Variants in GRIA3 observed in about 807,000 individuals in gnomAD.
The protein encoded by GRIA3 is glutamate ionotropic receptor AMPA type subunit 3, also known as glutamate receptor 3.
A neutral mutation model predicts 63.0 loss-of-function variants in GRIA3; 3 were observed. That is an observed-to-expected ratio of 0.05 (90% CI 0.02 to 0.12). The LOEUF is 0.12. GRIA3 is among the 10% of genes least tolerant of loss of function. The pLI, the probability that GRIA3 is intolerant of heterozygous loss-of-function variation, is 1.00. For missense variants in GRIA3, 347 were observed against 700.9 expected (o/e 0.50, Z 5.70); for synonymous variants, 274 against 257.9 (o/e 1.06, Z -0.60).
rs770446291 is a variant in GRIA3 at position 123,322,281 on chromosome X, AC to A, written c.509-3742del. Among the ~76,000 whole-genome samples the A allele has an allele frequency of 1.7e-4, 19 of 112,238 alleles. 1 individual carries two copies. The highest frequency in any genetic ancestry group is 4.6e-3 in the Middle Eastern group (1 of 216). ...AAATGCAGATGACAATCTAGCATTC[AC>A]CCACTTACCTATATGGTAACTACCA... On this transcript the variant is annotated intron_variant, in intron 3 of 15. Transcript: ENST00000620443.
At chrX:123,378,696 G>C (rs2045302784) in intron 5 of GRIA3, among the ~76,000 whole-genome samples, 1 of 111,362 alleles carries the variant, frequency 9.0e-6, no homozygotes, top group Non-Finnish European at 1.9e-5. Context: ...ACAGGCATGA[G>C]CCACCATTCC....
intron 5 of GRIA3, among the ~76,000 whole-genome samples, chrX:123,382,903 T>G (rs1293571488): frequency 1.8e-5 from 2 of 111,842 alleles, no homozygotes; most frequent in Non-Finnish European, 3.8e-5. Context: ...TGCTTTCTAG[T>G]GCATGCTGTG....
At chrX:123,317,704 C>T (rs1329449991) in intron 3 of GRIA3, among the ~76,000 whole-genome samples, 2 of 112,010 alleles carry the variant, frequency 1.8e-5, no homozygotes, top group South Asian at 7.5e-4. Flanking sequence ...GCCTTCCTCC[C>T]AGCTGCTTTC....
At chrX:123,215,756 G>A (rs902682339) in intron 2 of GRIA3, among the ~76,000 whole-genome samples, 46 of 111,717 alleles carry the variant, frequency 4.1e-4, no homozygotes, top group African/African-American at 1.4e-3. Flanking sequence ...AGAGATGGAC[G>A]CAGCTGGTCA....
chrX:123,396,273 A>G (rs1209111341), intron 6 of GRIA3, among the ~76,000 whole-genome samples: 3 of 109,150 alleles, frequency 2.7e-5, no homozygotes, highest in Non-Finnish European at 5.7e-5. Flanking sequence ...CAGACCAGAA[A>G]AAAGATATAG....
At chrX:123,326,939 A>T (rs919281303) in intron 4 of GRIA3, among the ~76,000 whole-genome samples, 3 of 108,529 alleles carry the variant, frequency 2.8e-5, no homozygotes, top group Non-Finnish European at 5.7e-5. Flanking sequence ...TAAAATAACA[A>T]TTTTTTTTGA....
intron 2 of GRIA3, among the ~76,000 whole-genome samples, chrX:123,240,338 C>T (rs1448370838): frequency 1.8e-5 from 2 of 109,554 alleles, no homozygotes; most frequent in Non-Finnish European, 3.8e-5. Context: ...TTTAACTTGC[C>T]TTTTTTTTTC....
intron 13 of GRIA3, among the ~76,000 whole-genome samples, chrX:123,469,352 A>G (rs2045850772): frequency 8.9e-6 from 1 of 112,115 alleles, no homozygotes; most frequent in African/African-American, 3.2e-5. Context: ...GCAAATTTTC[A>G]GGCTGTCGTA....
At chrX:123,450,129 C>T (rs995340543) in intron 12 of GRIA3, among the ~76,000 whole-genome samples, 3 of 111,869 alleles carry the variant, frequency 2.7e-5, no homozygotes, top group Non-Finnish European at 3.8e-5. Flanking sequence ...ATCTCCATTT[C>T]AGAGATAATT....
At chrX:123,411,270 T>C (rs1354644271) in intron 10 of GRIA3, among the ~76,000 whole-genome samples, 1 of 111,928 alleles carries the variant, frequency 8.9e-6, no homozygotes, top group Non-Finnish European at 1.9e-5. Context: ...TAACATATAG[T>C]ACATTATGAT....
At chrX:123,406,645 A>AACC (rs1489835755) in intron 10 of GRIA3, among the ~76,000 whole-genome samples, 6 of 111,830 alleles carry the variant, frequency 5.4e-5, no homozygotes, top group Non-Finnish European at 1.1e-4. Context: ...AGGCAACTTG[A>AACC]ACCTCAGCCT....
intron 2 of GRIA3, among the ~76,000 whole-genome samples, chrX:123,218,706 C>A (rs1219563098): frequency 1.8e-5 from 2 of 111,505 alleles, no homozygotes; most frequent in East Asian, 5.6e-4. Flanking sequence ...GCAAATGGAC[C>A]AAGCTTGTCT....
intron 12 of GRIA3, among the ~76,000 whole-genome samples, chrX:123,454,119 G>A (rs193265784): frequency 8.1e-5 from 9 of 110,844 alleles, no homozygotes; most frequent in Middle Eastern, 4.7e-3. Context: ...TTGAAATGAT[G>A]CTAAAGTATA....
chrX:123,192,092 T>C (rs1927450268), intron 2 of GRIA3, among the ~76,000 whole-genome samples: 1 of 111,639 alleles, frequency 9.0e-6, no homozygotes, highest in African/African-American at 3.3e-5. Context: ...AGGTTGGGTG[T>C]AAGTACACCC....
intron 3 of GRIA3, among the ~76,000 whole-genome samples, chrX:123,264,309 T>C (rs1308513702): frequency 8.9e-6 from 1 of 111,895 alleles, no homozygotes; most frequent in Non-Finnish European, 1.9e-5. Flanking sequence ...TGGACATTTG[T>C]TAAAGAGCTA....
chrX:123,345,452 AC>A (rs2045040679), intron 4 of GRIA3, among the ~76,000 whole-genome samples: 1 of 99,614 alleles, frequency 1.0e-5, no homozygotes, highest in Non-Finnish European at 2.0e-5. Flanking sequence ...ACACACACAC[AC>A]ACACACACAC....
At chrX:123,234,187 C>T (rs1292500669) in intron 2 of GRIA3, among the ~76,000 whole-genome samples, 1 of 111,124 alleles carries the variant, frequency 9.0e-6, no homozygotes, top group East Asian at 2.9e-4. Flanking sequence ...CAGGGATCTG[C>T]CCCAGTAGTG....
At chrX:123,208,989 T>C (rs1363951428) in intron 2 of GRIA3, among the ~76,000 whole-genome samples, 2 of 112,181 alleles carry the variant, frequency 1.8e-5, no homozygotes, top group Non-Finnish European at 3.8e-5. Context: ...CTATAGCAGA[T>C]CCTATCATGA....
intron 4 of GRIA3, among the ~76,000 whole-genome samples, chrX:123,330,961 CTT>C (rs940229381): frequency 8.9e-6 from 1 of 112,010 alleles, no homozygotes; most frequent in African/African-American, 3.2e-5. Flanking sequence ...AATAAATAGA[CTT>C]ATTTAATAAA....
Sources: gnomAD v4.1 joint callset for allele counts (sites outside exome capture counted in the v4.1 genomes callset) on GRCh38, gnomAD v4.1.1 for gene constraint, MANE v1.5 for transcripts, NCBI Gene and HGNC (gene_info 2026-07-23, HGNC 2026-07-21) for gene names.